The following MGST1 variants were observed in gnomAD, a reference collection of about 807,000 sequenced individuals.
MGST1 encodes glutathione S-transferase 12.
A neutral mutation model predicts 8.9 loss-of-function variants in MGST1; 5 were observed. That is an observed-to-expected ratio of 0.56 (90% CI 0.29 to 1.19). The LOEUF is 1.19. MGST1 is among the 50% of genes most tolerant of loss of function. The pLI, the probability that MGST1 is intolerant of heterozygous loss-of-function variation, is 0.08. For synonymous variants in MGST1, 54 were observed against 67.8 expected (o/e 0.80, Z 1.00); for missense variants, 182 against 187.4 (o/e 0.97, Z 0.17).
intron 4 of MGST1, among the ~76,000 whole-genome samples, chr12:16,488,119 T>TC (rs1244731873): frequency 2.6e-5 from 4 of 152,218 alleles, no homozygotes; most frequent in African/African-American, 7.2e-5. Flanking sequence ...AAACATGGTT[T>TC]CCTCTGGAGA....
downstream of MGST1, among the ~76,000 whole-genome samples, chr12:16,591,903 A>G (rs1038887330): frequency 6.6e-6 from 1 of 152,018 alleles, no homozygotes; most frequent in African/African-American, 2.4e-5. The surrounding 1 kb of genome is among the most constrained non-coding windows in gnomAD (Gnocchi z 4.1). Context: ...TCTCCTGATC[A>G]TACCTCTTGT....
Position 16,587,157 on chromosome 12 carries a change from C to T in MGST1, n.483-2371C>T, listed in dbSNP as rs1294045229. ...TTTTAAATTATAGCAATTGTGGGTG[C>T]TGCTGACCTGTCAATCTCAAATATA... On this transcript the variant is annotated intron_variant and non_coding_transcript_variant, in intron 4 of 4. Coordinates refer to the MGST1 transcript ENST00000538857. The surrounding 1 kb of genome is among the most constrained non-coding windows in gnomAD (Gnocchi z 4.3). Among the ~76,000 whole-genome samples the T allele has an allele frequency of 6.6e-6, 1 of 152,128 alleles. No individual in the cohort carries two copies.
Position 16,513,436 on chromosome 12 carries a change from C to T in MGST1, n.483-76092C>T, listed in dbSNP as rs1469485082. On this transcript the variant is annotated intron_variant and non_coding_transcript_variant, in intron 4 of 4. Coordinates refer to the MGST1 transcript ENST00000538857. This position sits in a 1 kb window ranked among gnomAD's most constrained non-coding sequence, Gnocchi z 4.2. ...GCTGCGTCGTCTCCGGGATCGCCGC[C>T]GCCTTCCACCCGGGCTCGCCTCTGA... The T allele has an allele frequency of 1.2e-5, 5 of 400,760 alleles. No homozygotes were observed. The highest frequency in any genetic ancestry group is 3.9e-5 in the South Asian group (2 of 51,814). The allele number at this position is 400,760 out of a possible 1,614,324, so 24.8% of individuals were successfully genotyped here. A position where few individuals can be genotyped will look rare whatever the true frequency, so the allele number is the denominator to read the frequency against.
At chr12:16,491,003 T>A (rs1182669060) in intron 4 of MGST1, among the ~76,000 whole-genome samples, 2 of 152,180 alleles carry the variant, frequency 1.3e-5, no homozygotes, top group South Asian at 4.1e-4. Flanking sequence ...ATGCAGAGAA[T>A]CTTACTCTTT....
At chr12:16,526,614 T>G (rs984608251) in intron 4 of MGST1, among the ~76,000 whole-genome samples, 1 of 152,052 alleles carries the variant, frequency 6.6e-6, no homozygotes, top group Non-Finnish European at 1.5e-5. Flanking sequence ...GATTTTATTT[T>G]TATTACCAAG....
chr12:16,386,370 C>T (rs1482926774), intron 1 of MGST1, among the ~76,000 whole-genome samples: 2 of 152,140 alleles, frequency 1.3e-5, no homozygotes, highest in Non-Finnish European at 2.9e-5. Context: ...AGCTAGGACT[C>T]GGCACAACTT....
rs1009570503 is a variant in MGST1 at position 16,482,094 on chromosome 12, C to T, written n.482+98490C>T. Among the ~76,000 whole-genome samples the T allele has an allele frequency of 3.2e-4, 49 of 152,150 alleles. No homozygotes were observed. The highest frequency in any genetic ancestry group is 1.1e-3 in the African/African-American group (46 of 41,498). ...GAGGTGCTGAAAATATAATAGTCAA[C>T]ATAAAATTGTATTCTAGCTAAATTT... is the stretch of plus-strand genomic sequence containing the variant. On this transcript the variant is annotated intron_variant and non_coding_transcript_variant, in intron 4 of 4. Transcript: ENST00000538857. The surrounding 1 kb of genome is among the most constrained non-coding windows in gnomAD (Gnocchi z 4.2).
At chr12:16,524,748 C>T (rs1941671442) in intron 4 of MGST1, among the ~76,000 whole-genome samples, 1 of 152,046 alleles carries the variant, frequency 6.6e-6, no homozygotes, top group Admixed American at 6.6e-5. Context: ...ACAAACCCAT[C>T]TATTATATAC....
chr12:16,570,601 C>T (rs554237031), intron 4 of MGST1, among the ~76,000 whole-genome samples: 1 of 152,138 alleles, frequency 6.6e-6, no homozygotes, highest in Non-Finnish European at 1.5e-5. Context: ...GTGTCAATTT[C>T]ACCATCTTTC....
At chr12:16,446,596 G>C (rs142984726) in intron 4 of MGST1, among the ~76,000 whole-genome samples, 23 of 151,948 alleles carry the variant, frequency 1.5e-4, no homozygotes, top group African/African-American at 5.3e-4. Context: ...AACCTTACCA[G>C]TCCTGTGTTA....
In MGST1 at chr12:16,364,358, C is replaced by T. The variant is rs1940143143; in HGVS notation, c.*317C>T. ...ATAAAAGAATTGCACGTATGAGAAA[C>T]CTATATTTCAATACTGCTGAAACAG... On this transcript the variant is annotated 3_prime_UTR_variant, in exon 4 of 4. Transcript: ENST00000396210. The surrounding 1 kb of genome is among the most constrained non-coding windows in gnomAD (Gnocchi z 5.7). The T allele has an allele frequency of 9.8e-7, 1 of 1,019,024 alleles. No individual in the cohort carries two copies. The highest frequency in any genetic ancestry group is 5.4e-5 in the Admixed American group (1 of 18,470). 63.1% of individuals were successfully genotyped at this position (1,019,024 alleles called of 1,614,324 possible).
At chr12:16,516,246 GC>G (rs2137184764) in intron 4 of MGST1, among the ~76,000 whole-genome samples, 1 of 152,222 alleles carries the variant, frequency 6.6e-6, no homozygotes, top group South Asian at 2.1e-4. Context: ...CCTAGCTCAA[GC>G]TATTGTTACT....
intron 4 of MGST1, among the ~76,000 whole-genome samples, chr12:16,469,515 T>A (rs1565460510): frequency 6.6e-6 from 1 of 152,288 alleles, no homozygotes; most frequent in South Asian, 2.1e-4. Context: ...TAGATGCCAT[T>A]CTAGAATTCC....
At position 16,458,119 on chromosome 12, in the gene MGST1, G is replaced by T. The variant is rs574448060; in HGVS notation, n.482+74515G>T. On this transcript the variant is annotated intron_variant and non_coding_transcript_variant, in intron 4 of 4. Transcript: ENST00000538857. The surrounding 1 kb of genome is among the most constrained non-coding windows in gnomAD (Gnocchi z 4.0). ...GAATACCCATTAAAGAAGTGCAAAA[G>T]CGTGAACCCGAGGGTTACTGCATAT... is the stretch of plus-strand genomic sequence containing the variant. 3.9e-5 allele frequency among the ~76,000 whole-genome samples: 6 copies of T among 152,038 alleles called. No individual in the cohort carries two copies. In the South Asian group the frequency reaches 1.2e-3, roughly 32 times the overall value.
At chr12:16,427,448 T>A (rs1195644644) in intron 1 of MGST1, among the ~76,000 whole-genome samples, 3 of 152,210 alleles carry the variant, frequency 2.0e-5, no homozygotes, top group East Asian at 1.9e-4. Context: ...AGTGGCACAA[T>A]CTTGGCTCAC....
At chr12:16,348,083 C>G (rs1473222625) in intron 1 of MGST1, among the ~76,000 whole-genome samples, 1 of 152,190 alleles carries the variant, frequency 6.6e-6, no homozygotes, top group Non-Finnish European at 1.5e-5. Flanking sequence ...GTTTGAACGA[C>G]TGCTGTTCTC....
downstream of MGST1, among the ~76,000 whole-genome samples, chr12:16,379,039 A>C (rs561020283): frequency 6.9e-4 from 105 of 152,006 alleles, no homozygotes; most frequent in Non-Finnish European, 1.1e-3. Flanking sequence ...AGCTTAAGGA[A>C]ATTTTGGGCT....
chr12:16,387,589 C>A (rs192211364), intron 1 of MGST1, among the ~76,000 whole-genome samples: 1 of 150,354 alleles, frequency 6.7e-6, no homozygotes, highest in East Asian at 2.0e-4. Context: ...TGCAGTGGGG[C>A]TATCTCGGCT....
rs560422659 is a variant in MGST1 at position 16,489,267 on chromosome 12, G to A, written n.483-100261G>A. 4.6e-5 allele frequency among the ~76,000 whole-genome samples: 7 copies of A among 152,050 alleles called. No homozygotes were observed. The South Asian group carries it at 1.5e-3, about 32-fold the overall frequency. ...CATTTTTTCCTTTCATCTTAAGATG[G>A]TACTAGGGTTTATGATTTCTGTTTT... On this transcript the variant is annotated intron_variant and non_coding_transcript_variant, in intron 4 of 4. Transcript: ENST00000538857.
Sources: allele counts gnomAD v4.1 joint callset (sites outside exome capture counted in the v4.1 genomes callset), GRCh38; gene constraint gnomAD v4.1.1; non-coding constraint Gnocchi (gnomAD v3.1); transcripts MANE v1.5; gene names NCBI Gene and HGNC (gene_info 2026-07-23, HGNC 2026-07-21).